Variants in EFTUD2 observed in about 807,000 individuals in gnomAD.
EFTUD2 encodes the protein elongation factor Tu GTP binding domain containing 2.
Under a neutral mutation model 114.3 loss-of-function variants are expected in EFTUD2, and 9 were observed. The observed-to-expected ratio is 0.08, with a 90% CI of 0.05 to 0.14. EFTUD2 has a LOEUF of 0.14. Ranked by LOEUF, EFTUD2 falls within the 10% of genes least tolerant of loss-of-function variation. The probability of loss-of-function intolerance (pLI) is 1.00; values close to 1 mark genes in which losing one functional copy is unlikely to be tolerated. For missense variants in EFTUD2, 765 were observed against 1,241.2 expected (o/e 0.62, Z 5.76); for synonymous variants, 449 against 462.3 (o/e 0.97, Z 0.37).
At chr17:44,858,963 T>C (rs1245304632) in intron 19 of EFTUD2, 117 bp downstream of exon 19, 3 of 728,398 alleles carry the variant, frequency 4.1e-6, no homozygotes, top group Non-Finnish European at 4.9e-6. Context: ...CAACAGATCA[T>C]GGTTTTCACA....
intron 4 of EFTUD2, 22 bp downstream of exon 4, chr17:44,885,234 G>A (rs1235639176): frequency 1.3e-6 from 2 of 1,591,312 alleles, no homozygotes; most frequent in Non-Finnish European, 1.7e-6. Flanking sequence ...CTGCAGAGAA[G>A]CTGAGAAACC....
At chr17:44,860,592 CT>C in intron 16 of EFTUD2, 49 bp from the exon 17 acceptor site, 7 of 1,057,456 alleles carry the variant, frequency 6.6e-6, no homozygotes, top group South Asian at 1.4e-5. Context: ...AGAGCATTCC[CT>C]AATTTTTTTT....
At chr17:44,881,100 A>G (rs1392544318) in intron 7 of EFTUD2, among the ~76,000 whole-genome samples, 1 of 152,238 alleles carries the variant, frequency 6.6e-6, no homozygotes, top group African/African-American at 2.4e-5. Flanking sequence ...AACAGCTAAC[A>G]TTGATTGCCT....
intron 2 of EFTUD2, among the ~76,000 whole-genome samples, chr17:44,893,507 T>C (rs1392267500): frequency 6.6e-6 from 1 of 152,198 alleles, no homozygotes; most frequent in African/African-American, 2.4e-5. Context: ...TTGAGTATCT[T>C]TTCCAAGTGG....
chr17:44,887,993 T>C (rs2051205702), intron 2 of EFTUD2, among the ~76,000 whole-genome samples: 1 of 152,164 alleles, frequency 6.6e-6, no homozygotes, highest in Admixed American at 6.5e-5. Flanking sequence ...TTCCAGGTGT[T>C]AGTAATAAAG....
chr17:44,871,987 T>C (rs1268610329), intron 11 of EFTUD2, among the ~76,000 whole-genome samples: 1 of 152,150 alleles, frequency 6.6e-6, no homozygotes, highest in Non-Finnish European at 1.5e-5. Context: ...CATGATATCA[T>C]GCGGCTGGGC....
At chr17:44,889,101 G>A (rs1158743954) in intron 2 of EFTUD2, among the ~76,000 whole-genome samples, 6 of 152,144 alleles carry the variant, frequency 3.9e-5, no homozygotes, top group Admixed American at 2.0e-4. Context: ...AAAACCAGGG[G>A]TTCTCTGAAA....
At chr17:44,875,306 G>A (rs1172563101) in intron 10 of EFTUD2, among the ~76,000 whole-genome samples, 22 of 152,150 alleles carry the variant, frequency 1.4e-4, no homozygotes, top group Admixed American at 1.0e-3. Flanking sequence ...CGAGGTGGGC[G>A]GATCACGAGC....
At chr17:44,890,733 T>G (rs67419793) in intron 2 of EFTUD2, among the ~76,000 whole-genome samples, 18,790 of 152,130 alleles carry the variant, frequency 0.12, 1,167 homozygotes, top group Middle Eastern at 0.27. Context: ...TCTTGTGGAC[T>G]AGGAGGCTAT....
At chr17:44,898,868 A>C (rs1170449532) in intron 1 of EFTUD2, 1 of 152,228 alleles carries the variant, frequency 6.6e-6, no homozygotes, top group Non-Finnish European at 1.5e-5. Flanking sequence ...GCATAGACTA[A>C]GCCCTCAATA....
At chr17:44,863,919 G>T (rs1477639929) in intron 14 of EFTUD2, 137 bp from the exon 15 acceptor site, 1 of 1,163,202 alleles carries the variant, frequency 8.6e-7, no homozygotes, top group East Asian at 2.6e-5. Context: ...TGGCACTATA[G>T]ATAGTGATAG....
Position 44,881,687 on chromosome 17 carries a change from C to G in EFTUD2, c.528G>C (p.Glu176Asp). The part of the protein sequence containing the change: ...CYTDILFTEQ[E>D]RGVGIKSTPV... ...ATCAGATTCCCCAAGGCATGCTTAC[C>G]TCTTGCTCTGTGAAGAGGATGTCAG... The change falls in exon 7 of 28, where the codon GAG (glutamate) becomes GAC (aspartate). Residue 176 changes from glutamate (E) to aspartate (D), a missense_variant and splice_region_variant. Glu to Asp is a conservative substitution (Grantham distance 45). Coordinates refer to ENST00000426333, the MANE Select transcript of EFTUD2 (RefSeq NM_004247.4). The G allele has an allele frequency of 6.2e-7, 1 of 1,614,158 alleles. No individual in the cohort carries two copies. The highest frequency in any genetic ancestry group is 8.5e-7 in the Non-Finnish European group (1 of 1,180,016).
intron 9 of EFTUD2, among the ~76,000 whole-genome samples, chr17:44,877,643 A>C (rs562588122): frequency 6.6e-6 from 1 of 151,574 alleles, no homozygotes; most frequent in Non-Finnish European, 1.5e-5. Flanking sequence ...CCATTTCTAC[A>C]AAAAATTCAA....
At chr17:44,872,676 G>A (rs890473244) in intron 10 of EFTUD2, 106 bp from the exon 11 acceptor site, 50 of 1,402,306 alleles carry the variant, frequency 3.6e-5, no homozygotes, top group Non-Finnish European at 4.5e-5. Flanking sequence ...CCAGCCCTCG[G>A]AAGGGACTTG....
At chr17:44,875,103 A>C (rs1266436070) in intron 10 of EFTUD2, among the ~76,000 whole-genome samples, 1 of 152,198 alleles carries the variant, frequency 6.6e-6, no homozygotes, top group Non-Finnish European at 1.5e-5. Context: ...CAGCGGCTCA[A>C]ATCTGTAATG....
chr17:44,861,041 G>A (rs2050649437), intron 16 of EFTUD2, among the ~76,000 whole-genome samples: 1 of 152,200 alleles, frequency 6.6e-6, no homozygotes, highest in African/African-American at 2.4e-5. Flanking sequence ...CATTATGAAA[G>A]AAAAGTACAA....
rs1395981240 is a variant in EFTUD2 at position 44,854,061 on chromosome 17, G to A, written c.2347+208C>T. The A allele has an allele frequency of 7.1e-7, 1 of 1,399,288 alleles. No individual in the cohort carries two copies. Among genetic ancestry groups the A allele is most frequent in the Non-Finnish European group, 9.2e-7 (1 of 1,082,662 alleles). The allele number at this position is 1,399,288 out of a possible 1,614,324, so 86.7% of individuals were successfully genotyped here. A position where few individuals can be genotyped will look rare whatever the true frequency, so the allele number is the denominator to read the frequency against. ...TCTCAGAAATGAGGAGCAAATGACA[G>A]TTTAGAAATGACTTAAATTTCCATT... is the stretch of plus-strand genomic sequence containing the variant. On this transcript the variant is annotated intron_variant, in intron 23 of 27. Transcript: ENST00000426333. This position sits in a 1 kb window ranked among gnomAD's most constrained non-coding sequence, Gnocchi z 4.3.
At chr17:44,895,640 A>G (rs1290173227) in intron 1 of EFTUD2, among the ~76,000 whole-genome samples, 1 of 152,210 alleles carries the variant, frequency 6.6e-6, no homozygotes, top group Non-Finnish European at 1.5e-5. Context: ...AATATTATCC[A>G]GTCCTTAATA....
chr17:44,856,974 C>T, intron 20 of EFTUD2, 101 bp downstream of exon 20: 1 of 969,268 alleles, frequency 1.0e-6, no homozygotes, highest in Non-Finnish European at 1.6e-6. Flanking sequence ...CTGTAGAGGT[C>T]TCTATGTGCA....
Sources: gnomAD v4.1 joint callset for allele counts (sites outside exome capture counted in the v4.1 genomes callset) on GRCh38, gnomAD v4.1.1 for gene constraint, Gnocchi (gnomAD v3.1) non-coding constraint, MANE v1.5 for transcripts, NCBI Gene and HGNC (gene_info 2026-07-23, HGNC 2026-07-21) for gene names.